The following MDGA2 variants were observed in gnomAD, a reference collection of about 807,000 sequenced individuals.
MDGA2 encodes the protein MAM domain containing glycosylphosphatidylinositol anchor 2.
Under a neutral mutation model 117.8 loss-of-function variants are expected in MDGA2, and 40 were observed. The ratio of observed to expected loss-of-function variants is 0.34; its 90% CI spans 0.26 to 0.44. The LOEUF (loss-of-function observed/expected upper bound fraction) is 0.44. Ranked by LOEUF, MDGA2 falls within the 20% of genes least tolerant of loss-of-function variation. The probability of loss-of-function intolerance (pLI) is 1.00; values close to 1 mark genes in which losing one functional copy is unlikely to be tolerated. For missense variants in MDGA2, 1,123 were observed against 1,250.6 expected, an observed-to-expected ratio of 0.90 and a Z score of 1.54; for synonymous variants, 452 against 439.0, an observed-to-expected ratio of 1.03 and a Z score of -0.37.
intron 8 of MDGA2, among the ~76,000 whole-genome samples, chr14:46,959,910 CCT>C (rs1446912461): frequency 1.3e-5 from 2 of 152,072 alleles, no homozygotes; most frequent in African/African-American, 4.8e-5. Context: ...GAATTTCAAT[CCT>C]CTTTTTTTAA....
intron 1 of MDGA2, among the ~76,000 whole-genome samples, chr14:47,487,248 A>G (rs538598557): frequency 1.3e-5 from 2 of 152,334 alleles, no homozygotes; most frequent in South Asian, 4.1e-4. Context: ...ATTACTGTGG[A>G]TAATCCCAAT....
intron 1 of MDGA2, among the ~76,000 whole-genome samples, chr14:47,403,223 C>T (rs1219197108): frequency 6.6e-6 from 1 of 152,164 alleles, no homozygotes; most frequent in Non-Finnish European, 1.5e-5. Flanking sequence ...CCCAGATGTC[C>T]TACCTGCTCA....
In MDGA2 at chr14:47,017,834, T is replaced by C. The variant is rs188747978; in HGVS notation, c.1819+17177A>G. 3.4e-3 allele frequency among the ~76,000 whole-genome samples: 516 copies of C among 152,214 alleles called. 2 individuals are homozygous for C. Among genetic ancestry groups the C allele is most frequent in the South Asian group, 0.019 (92 of 4,832 alleles). ...ATGATCTAAAACACATTGCAAGAAA[T>C]GAAACTAACATGATGTCAAACCCTT... On this transcript the variant is annotated intron_variant, in intron 8 of 16. Coordinates refer to ENST00000399232, the MANE Select transcript of MDGA2 (RefSeq NM_001113498.3).
chr14:46,923,060 T>C (rs1200836414), intron 9 of MDGA2, among the ~76,000 whole-genome samples: 2 of 152,222 alleles, frequency 1.3e-5, no homozygotes. Flanking sequence ...GTTACTGAAA[T>C]AGTTTTACCC....
At chr14:47,399,631 A>G (rs1460291168) in intron 1 of MDGA2, among the ~76,000 whole-genome samples, 1 of 151,168 alleles carries the variant, frequency 6.6e-6, no homozygotes, top group Non-Finnish European at 1.5e-5. Context: ...TAGCTGCTAG[A>G]GCAGACTGAA....
chr14:47,518,236 G>A (rs1894795145), intron 1 of MDGA2, among the ~76,000 whole-genome samples: 1 of 152,178 alleles, frequency 6.6e-6, no homozygotes, highest in African/African-American at 2.4e-5. Flanking sequence ...GAGGGTGGAG[G>A]ATGGGCGGGT....
At chr14:46,967,242 G>C (rs922175066) in intron 8 of MDGA2, among the ~76,000 whole-genome samples, 6 of 152,074 alleles carry the variant, frequency 3.9e-5, no homozygotes, top group Non-Finnish European at 8.8e-5. Flanking sequence ...CTTCGTATAA[G>C]TACAATCTTA....
intron 1 of MDGA2, among the ~76,000 whole-genome samples, chr14:47,508,696 T>C (rs993025854): frequency 6.6e-6 from 1 of 152,120 alleles, no homozygotes; most frequent in Non-Finnish European, 1.5e-5. Flanking sequence ...GTTTGTTTTT[T>C]TGAGACAGAG....
intron 2 of MDGA2, among the ~76,000 whole-genome samples, chr14:47,228,970 C>A (rs1007717241): frequency 6.6e-5 from 10 of 151,950 alleles, no homozygotes; most frequent in Non-Finnish European, 1.5e-4. Flanking sequence ...AAAATTAAAG[C>A]AAATTTCCAG....
intron 3 of MDGA2, among the ~76,000 whole-genome samples, chr14:47,208,919 T>C (rs1351652925): frequency 6.6e-6 from 1 of 151,978 alleles, no homozygotes; most frequent in Non-Finnish European, 1.5e-5. Context: ...CGAATAGCCT[T>C]CTATCTTTAT....
At chr14:47,573,910 A>C (rs1234881620) in intron 1 of MDGA2, among the ~76,000 whole-genome samples, 2 of 152,214 alleles carry the variant, frequency 1.3e-5, no homozygotes, top group Non-Finnish European at 2.9e-5. Context: ...GTAAAACTTC[A>C]AAGTTAATAG....
intron 1 of MDGA2, among the ~76,000 whole-genome samples, chr14:47,307,536 C>A (rs1215169381): frequency 1.3e-5 from 2 of 151,968 alleles, no homozygotes; most frequent in African/African-American, 4.8e-5. Context: ...CAAAAATTAG[C>A]CAGGTGTGGT....
chr14:47,053,194 T>C (rs1190273431), intron 7 of MDGA2, among the ~76,000 whole-genome samples: 1 of 151,988 alleles, frequency 6.6e-6, no homozygotes, highest in Non-Finnish European at 1.5e-5. Context: ...GTCATTCTCA[T>C]TTGCTTCACA....
intron 12 of MDGA2, among the ~76,000 whole-genome samples, chr14:46,876,237 A>C (rs943139348): frequency 2.0e-5 from 3 of 151,586 alleles, no homozygotes; most frequent in Non-Finnish European, 4.4e-5. Context: ...TACTGAAGAA[A>C]ATTTATAAAA....
intron 1 of MDGA2, among the ~76,000 whole-genome samples, chr14:47,456,243 G>A (rs1228485178): frequency 6.6e-6 from 1 of 150,780 alleles, no homozygotes; most frequent in African/African-American, 2.4e-5. Flanking sequence ...GAATTATAAT[G>A]CTTATCCTAA....
At position 47,600,507 on chromosome 14, in the gene MDGA2, A is replaced by G. The variant is rs183837445; in HGVS notation, c.280+74010T>C. Among the ~76,000 whole-genome samples the G allele has an allele frequency of 8.5e-5, 13 of 152,260 alleles. 1 individual carries two copies. The highest frequency in any genetic ancestry group is 2.6e-4 in the African/African-American group (11 of 41,552). The stretch of plus-strand genomic sequence containing the variant: ...TAATACTTGACCTAATTCTTATTGA[A>G]TGAATGTCTACATGGTTCCTTTTAA... On this transcript the variant is annotated intron_variant, in intron 1 of 16. Transcript: ENST00000399232.
chr14:46,912,260 C>G (rs546476099), intron 10 of MDGA2, among the ~76,000 whole-genome samples: 1 of 152,246 alleles, frequency 6.6e-6, no homozygotes, highest in African/African-American at 2.4e-5. Context: ...TACAAACATA[C>G]ACACGAATGC....
At chr14:47,317,653 C>T (rs1173872435) in intron 1 of MDGA2, among the ~76,000 whole-genome samples, 1 of 151,948 alleles carries the variant, frequency 6.6e-6, no homozygotes, top group Non-Finnish European at 1.5e-5. Flanking sequence ...GGGGAGAGGA[C>T]CTAGGGCTCA....
chr14:46,889,327 C>T (rs950469186), intron 10 of MDGA2, among the ~76,000 whole-genome samples: 6 of 151,992 alleles, frequency 3.9e-5, no homozygotes, highest in South Asian at 2.1e-4. Flanking sequence ...ATACTTTGCT[C>T]GTGCTATTAA....
Sources: allele counts gnomAD v4.1 joint callset (sites outside exome capture counted in the v4.1 genomes callset), GRCh38; gene constraint gnomAD v4.1.1; transcripts MANE v1.5; gene names NCBI Gene and HGNC (gene_info 2026-07-23, HGNC 2026-07-21).